ZNF438: variants seen among roughly 807,000 people sequenced by gnomAD.
The protein encoded by ZNF438 is zinc finger protein 438.
Under a neutral mutation model 38.0 loss-of-function variants are expected in ZNF438, and 25 were observed. The observed-to-expected ratio is 0.66, with a 90% CI of 0.48 to 0.92. The LOEUF (loss-of-function observed/expected upper bound fraction) is 0.92, where lower values mean the gene tolerates loss of function less well. Among genes scored for constraint, ZNF438 ranks in the 40% least tolerant of loss-of-function variants. The pLI, the probability that ZNF438 is intolerant of heterozygous loss-of-function variation, is 0.00. For missense variants in ZNF438, 1,007 were observed against 999.6 expected (o/e 1.01, Z -0.10); for synonymous variants, 372 against 364.1 (o/e 1.02, Z -0.25).
intron 2 of ZNF438, among the ~76,000 whole-genome samples, chr10:30,934,998 C>T (rs974524199): frequency 2.0e-5 from 3 of 152,110 alleles, no homozygotes; most frequent in African/African-American, 7.2e-5. Flanking sequence ...AAAATATGTC[C>T]AAATCATCTC....
At chr10:30,901,880 A>C (rs2042033094) in intron 3 of ZNF438, among the ~76,000 whole-genome samples, 1 of 152,074 alleles carries the variant, frequency 6.6e-6, no homozygotes, top group Admixed American at 6.5e-5. Context: ...TGGTGGGTTC[A>C]TGATCTTGCT....
rs79523820 is a variant in ZNF438, at chr10:30,858,192, G to C, written c.38-7825C>G. The stretch of plus-strand genomic sequence containing the variant: ...GTTCTGCCAAGTCTTGGTCACTAAA[G>C]AGCCAAAAATTTTAGGTGTTGTTCT... On this transcript the variant is annotated intron_variant, in intron 4 of 5. Coordinates refer to ENST00000413025, the Ensembl canonical transcript of ZNF438. Among the ~76,000 whole-genome samples, 829 of 152,332 alleles carry C rather than the reference G, an allele frequency of 5.4e-3. 32 individuals carry two copies. The East Asian group carries it at 0.075, about 14-fold the overall frequency.
At chr10:30,950,553 T>A (rs1204270144) in intron 1 of ZNF438, among the ~76,000 whole-genome samples, 2 of 151,844 alleles carry the variant, frequency 1.3e-5, no homozygotes, top group Non-Finnish European at 2.9e-5. Context: ...CAATAAAAAA[T>A]GATAAAGGGG....
chr10:30,979,431 C>A (rs1384639884), intron 1 of ZNF438, among the ~76,000 whole-genome samples: 7 of 152,116 alleles, frequency 4.6e-5, no homozygotes, highest in Admixed American at 2.6e-4. Context: ...GCATATGGAA[C>A]CAAAAAAGAG....
chr10:31,017,507 T>C (rs575170319), intron 1 of ZNF438, among the ~76,000 whole-genome samples: 21 of 152,280 alleles, frequency 1.4e-4, no homozygotes, highest in African/African-American at 5.1e-4. Context: ...CTCCTAAAAA[T>C]TTCAAAAGGT....
chr10:30,938,368 C>T (rs192763964), intron 2 of ZNF438, among the ~76,000 whole-genome samples: 4 of 152,100 alleles, frequency 2.6e-5, no homozygotes, highest in East Asian at 1.9e-4. Context: ...CTCTGCCTCC[C>T]GGATTCAAGC....
intron 1 of ZNF438, among the ~76,000 whole-genome samples, chr10:30,989,357 T>C (rs538195264): frequency 4.6e-5 from 7 of 152,216 alleles, no homozygotes; most frequent in Admixed American, 3.9e-4. Flanking sequence ...AGAGAAAGGG[T>C]TTTATTTTAA....
At chr10:30,879,311 G>A (rs1424170937) in intron 3 of ZNF438, among the ~76,000 whole-genome samples, 8 of 152,146 alleles carry the variant, frequency 5.3e-5, no homozygotes, top group African/African-American at 1.7e-4. Context: ...GCATTTCTCT[G>A]GTTTCACGTA....
At chr10:30,963,228 C>A (rs890901490) in intron 1 of ZNF438, among the ~76,000 whole-genome samples, 1 of 151,462 alleles carries the variant, frequency 6.6e-6, no homozygotes, top group South Asian at 2.1e-4. Context: ...CCTGTCTCTA[C>A]CAAAAATACA....
intron 1 of ZNF438, among the ~76,000 whole-genome samples, chr10:30,980,806 A>C (rs1015118866): frequency 1.3e-5 from 2 of 152,248 alleles, no homozygotes; most frequent in African/African-American, 4.8e-5. Context: ...AGAAGATAGC[A>C]AAGGAGATTT....
At chr10:30,945,334 C>T (rs9417830) in intron 1 of ZNF438, among the ~76,000 whole-genome samples, 100,381 of 150,244 alleles carry the variant, frequency 0.67, 33,935 homozygotes, top group Middle Eastern at 0.74. Context: ...AATATAGCTC[C>T]CTCCAGTTTT....
chr10:30,863,483 G>A (rs1265995497), intron 4 of ZNF438, among the ~76,000 whole-genome samples: 1 of 152,186 alleles, frequency 6.6e-6, no homozygotes, highest in Non-Finnish European at 1.5e-5. Context: ...TTTGAAAGCT[G>A]TGGTGACTAC....
intron 1 of ZNF438, among the ~76,000 whole-genome samples, chr10:30,972,846 A>C (rs1262014908): frequency 6.6e-6 from 1 of 152,180 alleles, no homozygotes; most frequent in African/African-American, 2.4e-5. Context: ...TTCAAGAAAG[A>C]CTTTTACTGT....
rs1010216572 is a variant in ZNF438, at chr10:30,845,274, C to T, written c.2174G>A (p.Arg725Lys). 3 of 1,613,964 alleles carry T rather than the reference C, an allele frequency of 1.9e-6. No homozygotes were observed. In the African/African-American group the frequency reaches 4.0e-5, roughly 22 times the overall value. The stretch of plus-strand genomic sequence containing the variant: ...ATGAAGGTGGAGCTGCCTTTTCAGT[C>T]TTGGACATGCATGTGATTCCTCGGA... Residue 725 changes from arginine (R) to lysine (K), a missense_variant, in exon 6 of 6, where the codon AGA (arginine) becomes AAA (lysine). Arg to Lys is a conservative substitution (Grantham distance 26, BLOSUM62 2). Coordinates refer to ENST00000413025, the Ensembl canonical transcript of ZNF438.
At chr10:31,032,092 A>G (rs2133501102), upstream of ZNF438, among the ~76,000 whole-genome samples, 1 of 152,304 alleles carries the variant, frequency 6.6e-6, no homozygotes, top group African/African-American at 2.4e-5. Context: ...TGCGGCGGCG[A>G]CTGCTCTACC....
intron 1 of ZNF438, among the ~76,000 whole-genome samples, chr10:31,029,873 T>C (rs2057172849): frequency 6.6e-6 from 1 of 152,230 alleles, no homozygotes; most frequent in Non-Finnish European, 1.5e-5. Flanking sequence ...CCTCAGAGCA[T>C]TGTCCTGTGC....
At chr10:30,972,747 C>G (rs984927156) in intron 1 of ZNF438, among the ~76,000 whole-genome samples, 20 of 152,158 alleles carry the variant, frequency 1.3e-4, no homozygotes, top group African/African-American at 4.8e-4. Flanking sequence ...TAGGAGGACA[C>G]TGGGCTGAAT....
At chr10:30,981,534 G>T (rs979785203) in intron 1 of ZNF438, among the ~76,000 whole-genome samples, 1 of 152,092 alleles carries the variant, frequency 6.6e-6, no homozygotes, top group Non-Finnish European at 1.5e-5. Flanking sequence ...CTATCTCATA[G>T]GTAATTATGA....
At chr10:30,936,900 T>C (rs1371858575) in intron 2 of ZNF438, among the ~76,000 whole-genome samples, 1 of 152,176 alleles carries the variant, frequency 6.6e-6, no homozygotes, top group Non-Finnish European at 1.5e-5. Context: ...CTAATTAATG[T>C]GGTTCATTGC....
Sources: allele counts gnomAD v4.1 joint callset (sites outside exome capture counted in the v4.1 genomes callset), GRCh38; gene constraint gnomAD v4.1.1; transcripts MANE v1.5; gene names NCBI Gene and HGNC (gene_info 2026-07-23, HGNC 2026-07-21).